The following FBXO25 variants were observed in gnomAD, a reference collection of about 807,000 sequenced individuals.
The protein encoded by FBXO25 is F-box only protein 25.
A neutral mutation model predicts 51.9 loss-of-function variants in FBXO25; 45 were observed. The observed-to-expected ratio is 0.87, with a 90% CI of 0.68 to 1.11. The LOEUF is 1.11. FBXO25 is among the 50% of genes most tolerant of loss of function. The pLI is 0.00. For synonymous variants in FBXO25, 199 were observed against 151.0 expected, an observed-to-expected ratio of 1.32 and a Z score of -2.33; for missense variants, 507 against 428.5, an observed-to-expected ratio of 1.18 and a Z score of -1.62.
intron 5 of FBXO25, among the ~76,000 whole-genome samples, chr8:445,018 C>G (rs1798649594): frequency 6.6e-6 from 1 of 152,220 alleles, no homozygotes; most frequent in African/African-American, 2.4e-5. Flanking sequence ...AAATTCCCAA[C>G]AGACTTTGCT....
At chr8:466,071 G>A (rs1800140176) in intron 9 of FBXO25, among the ~76,000 whole-genome samples, 1 of 152,144 alleles carries the variant, frequency 6.6e-6, no homozygotes, top group Middle Eastern at 3.2e-3. Context: ...TACAGTGAGT[G>A]GTCCCATCAC....
At chr8:419,633 A>G (rs1342663390) in intron 2 of FBXO25, among the ~76,000 whole-genome samples, 1 of 152,216 alleles carries the variant, frequency 6.6e-6, no homozygotes, top group Admixed American at 6.5e-5. Flanking sequence ...AAAAACCTGT[A>G]CAGCTCACAT....
Position 475,652 on chromosome 8 carries a change from A to G in FBXO25, c.*6848A>G, listed in dbSNP as rs180848941. On this transcript the variant is annotated 3_prime_UTR_variant, in exon 10 of 10. Transcript: ENST00000350302. ...TTTGCTTCCTTAAGTTTATTCCTAA[A>G]TATTTCAGTTTTTTTGTTACTATTA... The G allele has an allele frequency of 1.3e-5, 2 of 152,234 alleles. No individual in the cohort carries two copies. The highest frequency in any genetic ancestry group is 3.9e-4 in the East Asian group (2 of 5,184). 9.4% of individuals were successfully genotyped at this position (152,234 alleles called of 1,614,324 possible).
intron 9 of FBXO25, among the ~76,000 whole-genome samples, chr8:463,598 T>G (rs571283372): frequency 3.2e-4 from 48 of 152,332 alleles, no homozygotes; most frequent in Non-Finnish European, 1.3e-4. Context: ...GCTTCATTTC[T>G]CAAAGCCACA....
intron 7 of FBXO25, among the ~76,000 whole-genome samples, chr8:455,370 A>C (rs1465291584): frequency 6.6e-6 from 1 of 152,196 alleles, no homozygotes; most frequent in African/African-American, 2.4e-5. Flanking sequence ...ACTTGGGGAT[A>C]CTTGAGCAAA....
intron 5 of FBXO25, among the ~76,000 whole-genome samples, chr8:446,098 A>G (rs917588411): frequency 3.9e-5 from 6 of 152,082 alleles, no homozygotes; most frequent in African/African-American, 1.5e-4. Flanking sequence ...TCTGTAATGT[A>G]GCATGCTGGG....
intron 1 of FBXO25, among the ~76,000 whole-genome samples, chr8:409,062 A>G (rs1393197929): frequency 6.6e-6 from 1 of 152,206 alleles, no homozygotes; most frequent in Non-Finnish European, 1.5e-5. Context: ...TCATCATTCT[A>G]TAAAACTTTA....
intron 5 of FBXO25, among the ~76,000 whole-genome samples, chr8:440,003 A>G (rs912750123): frequency 1.3e-5 from 2 of 152,250 alleles, no homozygotes; most frequent in East Asian, 1.9e-4. Context: ...ACTAATGACT[A>G]CTCCATAGTA....
intron 3 of FBXO25, 146 bp from the exon 4 acceptor site, chr8:432,740 T>G (rs1010862411): frequency 9.8e-7 from 1 of 1,016,906 alleles, no homozygotes; most frequent in African/African-American, 1.7e-5. Flanking sequence ...AGCAATTCTG[T>G]TTGCATTCAC....
At chr8:410,345 A>G (rs1796415744) in intron 1 of FBXO25, among the ~76,000 whole-genome samples, 1 of 152,154 alleles carries the variant, frequency 6.6e-6, no homozygotes, top group South Asian at 2.1e-4. Context: ...TAGCATAATA[A>G]CATGTAGTTG....
chr8:447,251 A>T (rs2116698228), intron 5 of FBXO25, among the ~76,000 whole-genome samples: 1 of 152,234 alleles, frequency 6.6e-6, no homozygotes, highest in Admixed American at 6.5e-5. Context: ...CCAGGGATTC[A>T]CATACATGCA....
rs375139615 is a variant in FBXO25, at chr8:428,381, A to G, written c.135-2960A>G. On this transcript the variant is annotated intron_variant, in intron 2 of 9. Transcript: ENST00000350302. The stretch of plus-strand genomic sequence containing the variant: ...TCATACAAGTGTGTTTGTGCCCTGT[A>G]TTTTCCGCTTGTGTTGTATAACGTT... Among the ~76,000 whole-genome samples the G allele has an allele frequency of 3.7e-4, 56 of 151,894 alleles. No homozygotes were observed. In the East Asian group the frequency reaches 8.7e-3, roughly 24 times the overall value.
chr8:431,439 C>G lies in FBXO25; in HGVS notation c.233C>G (p.Thr78Ser). The change falls in exon 3 of 10, where the codon ACT (threonine) becomes AGT (serine). Residue 78 changes from threonine to serine, a missense_variant. Transcript: ENST00000350302. The stretch of plus-strand genomic sequence containing the variant: ...GACCATTTTAGAAATGACACAAATA[C>G]TCAAAGTAAGATCATTCTCATTAAT... ...KKDHFRNDTN[T>S]QSFYREKWIY... 1 of 1,464,374 alleles carries G rather than the reference C, an allele frequency of 6.8e-7. No homozygotes were observed. The highest frequency in any genetic ancestry group is 9.3e-7 in the Non-Finnish European group (1 of 1,077,180). The allele number at this position is 1,464,374 out of a possible 1,614,324, so 90.7% of individuals were successfully genotyped here.
intron 2 of FBXO25, among the ~76,000 whole-genome samples, chr8:423,653 A>T (rs568110198): frequency 6.6e-6 from 1 of 152,312 alleles, no homozygotes; most frequent in South Asian, 2.1e-4. Context: ...GTAGTATTTC[A>T]TGATGTATAG....
chr8:475,833 C>T lies in FBXO25; in HGVS notation c.*7029C>T, dbSNP rs1240039567. On this transcript the variant is annotated 3_prime_UTR_variant, in exon 10 of 10. Transcript: ENST00000350302. ...TTTTCTACATATAAGATCATGTCATCTGCAAACAGATAATTTTGCTTCTTC... is the reference window on the plus strand; with the variant it reads ...TTTTCTACATATAAGATCATGTCATTTGCAAACAGATAATTTTGCTTCTTC... The T allele has an allele frequency of 1.3e-5, 2 of 152,116 alleles. No homozygotes were observed. Among genetic ancestry groups the T allele is most frequent in the East Asian group, 1.9e-4 (1 of 5,194 alleles). 9.4% of individuals were successfully genotyped at this position (152,116 alleles called of 1,614,324 possible). A position where few individuals can be genotyped will look rare whatever the true frequency, so the allele number is the denominator to read the frequency against.
At chr8:429,340 C>G (rs914929570) in intron 2 of FBXO25, among the ~76,000 whole-genome samples, 2 of 152,070 alleles carry the variant, frequency 1.3e-5, no homozygotes, top group African/African-American at 4.8e-5. Flanking sequence ...TGCTGTGTCT[C>G]TTCTTTGGAG....
At chr8:414,358 T>G (rs948564604) in intron 2 of FBXO25, among the ~76,000 whole-genome samples, 1 of 152,208 alleles carries the variant, frequency 6.6e-6, no homozygotes, top group Non-Finnish European at 1.5e-5. Flanking sequence ...TTTTTAAAAT[T>G]TAAAGATGGT....
intron 5 of FBXO25, among the ~76,000 whole-genome samples, chr8:447,199 C>G (rs1798789134): frequency 6.6e-6 from 1 of 152,096 alleles, no homozygotes; most frequent in African/African-American, 2.4e-5. Context: ...CAAAGGGCTT[C>G]CTGGATCCAG....
At chr8:467,607 A>G in intron 9 of FBXO25, 3 of 1,070,290 alleles carry the variant, frequency 2.8e-6, no homozygotes, top group Non-Finnish European at 4.3e-6. Context: ...CGTAAATAAT[A>G]TGAATCAAAC....
Sources: gnomAD v4.1 joint callset for allele counts (sites outside exome capture counted in the v4.1 genomes callset) on GRCh38, gnomAD v4.1.1 for gene constraint, MANE v1.5 for transcripts, NCBI Gene and HGNC (gene_info 2026-07-23, HGNC 2026-07-21) for gene names.